PTPRF: variants seen among roughly 807,000 people sequenced by gnomAD.
PTPRF encodes receptor-type tyrosine-protein phosphatase F.
PTPRF carries 59 observed loss-of-function variants against 201.8 expected under a neutral mutation model. That is an observed-to-expected ratio of 0.29 (90% CI 0.24 to 0.36). PTPRF has a LOEUF of 0.36. PTPRF is among the 10% of genes least tolerant of loss of function. The pLI is 1.00. For missense variants in PTPRF, 2,132 were observed against 2,690.5 expected (o/e 0.79, Z 4.59); for synonymous variants, 1,088 against 1,089.7 (o/e 1.00, Z 0.03).
Position 43,591,845 on chromosome 1 carries a change from T to C in PTPRF, c.1565T>C (p.Val522Ala). 2 of 1,612,986 alleles carry C rather than the reference T, an allele frequency of 1.2e-6. No homozygotes were observed. The highest frequency in any genetic ancestry group is 8.5e-7 in the Non-Finnish European group (1 of 1,179,912). Reference sequence around the variant, plus strand: ...CAGCCCGCGGACTTCCAGGCCGAGGTGGAGTCGGACACCAGGATCCAGCTC... The same window carrying C: ...CAGCCCGCGGACTTCCAGGCCGAGGCGGAGTCGGACACCAGGATCCAGCTC... ...PAQPADFQAE[V>A]ESDTRIQLSW... Residue 522 changes from valine (V) to alanine (A), a missense_variant, in exon 10 of 34, where the codon GTG becomes GCG. Physicochemically the swap from Val to Ala is moderately conservative, Grantham distance 64. This residue lies in a region of PTPRF where 351 missense variants were observed against 401.7 expected (regional missense o/e 0.87). Transcript: ENST00000359947.
At chr1:43,613,003 T>G in intron 22 of PTPRF, 1 of 385,008 alleles carries the variant, frequency 2.6e-6, no homozygotes, top group Non-Finnish European at 4.9e-6. Flanking sequence ...CCAGGCCTGT[T>G]TTCTCTCCCA....
chr1:43,619,629 A>AC (rs904709362), intron 28 of PTPRF, 51 bp from the exon 29 acceptor site: 3 of 1,609,312 alleles, frequency 1.9e-6, no homozygotes, highest in East Asian at 2.2e-5. Context: ...CATGCAGATG[A>AC]CCCCCACCCC....
At position 43,541,328 on chromosome 1, in the gene PTPRF, C is replaced by A. The variant is rs1386744758; in HGVS notation, c.-46+3051C>A. ...AGGAATGATCCCAGCTGTTCTCCAG[C>A]CAGGGAAGCCCCCATCACATGGTCC... On this transcript the variant is annotated intron_variant, in intron 2 of 33. Transcript: ENST00000359947. 2.0e-5 allele frequency among the ~76,000 whole-genome samples: 3 copies of A among 152,226 alleles called. No individual in the cohort carries two copies. In the East Asian group the frequency reaches 5.8e-4, roughly 29 times the overall value.
chr1:43,585,971 C>T (rs1445056234), intron 7 of PTPRF, among the ~76,000 whole-genome samples: 1 of 152,184 alleles, frequency 6.6e-6, no homozygotes, highest in African/African-American at 2.4e-5. Flanking sequence ...CCTCTCCTGC[C>T]AGCCTCTGCT....
At chr1:43,538,823 C>T (rs1644188126) in intron 2 of PTPRF, among the ~76,000 whole-genome samples, 1 of 152,172 alleles carries the variant, frequency 6.6e-6, no homozygotes, top group East Asian at 1.9e-4. Flanking sequence ...TTGTTCTCCT[C>T]TCTGTCTGTT....
chr1:43,523,287 C>G (rs1200060541), upstream of PTPRF, among the ~76,000 whole-genome samples: 1 of 152,058 alleles, frequency 6.6e-6, no homozygotes, highest in Non-Finnish European at 1.5e-5. Context: ...AGGGCTTACA[C>G]AAGAGGTTCC....
At chr1:43,573,961 T>TTTGC (rs1349919518) in intron 6 of PTPRF, among the ~76,000 whole-genome samples, 6 of 142,026 alleles carry the variant, frequency 4.2e-5, no homozygotes, top group South Asian at 4.7e-4. Context: ...TCAAAGAGGG[T>TTTGC]TTGCTTGTGT....
chr1:43,592,762 C>T (rs1651173320), intron 11 of PTPRF, among the ~76,000 whole-genome samples, 161 bp downstream of exon 11: 1 of 152,112 alleles, frequency 6.6e-6, no homozygotes, highest in African/African-American at 2.4e-5. Context: ...CGGGAGAGGG[C>T]CAGGTAAGTG....
At chr1:43,571,904 A>G (rs1471063341) in intron 6 of PTPRF, among the ~76,000 whole-genome samples, 1 of 152,216 alleles carries the variant, frequency 6.6e-6, no homozygotes, top group Non-Finnish European at 1.5e-5. Context: ...CAGTTTTCTC[A>G]TGTTTGAAAA....
intron 5 of PTPRF, among the ~76,000 whole-genome samples, chr1:43,558,218 C>T (rs1645527931): frequency 6.6e-6 from 1 of 152,146 alleles, no homozygotes; most frequent in East Asian, 1.9e-4. Flanking sequence ...AGCTGGTCTC[C>T]TTGGAGAATG....
At chr1:43,599,799 C>T (rs1419352055) in intron 13 of PTPRF, among the ~76,000 whole-genome samples, 1 of 152,134 alleles carries the variant, frequency 6.6e-6, no homozygotes, top group East Asian at 1.9e-4. Context: ...GGATGAGAAG[C>T]CATGTCTGTG....
intron 5 of PTPRF, among the ~76,000 whole-genome samples, chr1:43,569,230 C>A (rs4660736): frequency 0.34 from 42,627 of 124,046 alleles, 7,106 homozygotes; most frequent in Non-Finnish European, 0.43. Flanking sequence ...CCCCCCCCCC[C>A]ACCCCCTGCA....
chr1:43,609,526 C>G (rs2154028320), intron 22 of PTPRF, 28 bp downstream of exon 22: 1 of 1,580,832 alleles, frequency 6.3e-7, no homozygotes, highest in East Asian at 2.3e-5. Context: ...CCTGTGTGCC[C>G]CCAGCCCAGA....
chr1:43,565,152 C>G (rs754890836), intron 5 of PTPRF, among the ~76,000 whole-genome samples: 1 of 152,184 alleles, frequency 6.6e-6, no homozygotes, highest in Non-Finnish European at 1.5e-5. Context: ...TTGAATCTCC[C>G]TCCTCCAGGA....
chr1:43,619,987 TC>T, intron 29 of PTPRF, 107 bp from the exon 30 acceptor site: 1 of 1,568,626 alleles, frequency 6.4e-7, no homozygotes. Context: ...AGTGAGGACT[TC>T]CTGGAGGAGG....
At chr1:43,613,562 G>A (rs1365773001) in intron 22 of PTPRF, 56 bp from the exon 23 acceptor site, 1 of 1,441,288 alleles carries the variant, frequency 6.9e-7, no homozygotes, top group Non-Finnish European at 9.8e-7. Context: ...GGCTTTCTCT[G>A]CCACACTGCT....
chr1:43,553,464 G>A lies in PTPRF; in HGVS notation c.92-28G>A. The stretch of plus-strand genomic sequence containing the variant: ...GCCATTCCTATAGTGACTGTGCTGT[G>A]GTGACTTGGTGTCTCCATCTCTTCC... On this transcript the variant is annotated intron_variant, in intron 3 of 33. Coordinates refer to ENST00000359947, the MANE Select transcript of PTPRF (RefSeq NM_002840.5). The surrounding 1 kb of genome is among the most constrained non-coding windows in gnomAD (Gnocchi z 4.1). 6.2e-7 allele frequency: 1 copy of A among 1,608,448 alleles called. No homozygotes were observed. The highest frequency in any genetic ancestry group is 8.5e-7 in the Non-Finnish European group (1 of 1,175,710).
chr1:43,550,284 C>T (rs1644939573), intron 3 of PTPRF, among the ~76,000 whole-genome samples: 1 of 152,254 alleles, frequency 6.6e-6, no homozygotes, highest in Non-Finnish European at 1.5e-5. Context: ...TTCCAGGCCG[C>T]CGGTGACCCA....
At chr1:43,605,071 A>T (rs1445709605) in intron 17 of PTPRF, 71 bp downstream of exon 17, 2 of 1,587,156 alleles carry the variant, frequency 1.3e-6, no homozygotes, top group Non-Finnish European at 1.7e-6. Context: ...TTCCAGTCCT[A>T]ACCCATGTGC....
Sources: allele counts gnomAD v4.1 joint callset (sites outside exome capture counted in the v4.1 genomes callset), GRCh38; gene constraint gnomAD v4.1.1; regional missense constraint gnomAD v4.1.1; non-coding constraint Gnocchi (gnomAD v3.1); transcripts MANE v1.5; gene names NCBI Gene and HGNC (gene_info 2026-07-23, HGNC 2026-07-21).